DZANK1: variants seen among roughly 807,000 people sequenced by gnomAD.
The protein encoded by DZANK1 is double zinc ribbon and ankyrin repeat domains 1.
DZANK1 carries 91 observed loss-of-function variants against 94.5 expected under a neutral mutation model. The ratio of observed to expected loss-of-function variants is 0.96; its 90% CI spans 0.81 to 1.15. The LOEUF (loss-of-function observed/expected upper bound fraction) is 1.15. Ranked by LOEUF, DZANK1 falls within the 50% of genes most tolerant of loss-of-function variation. The pLI is 0.00. For missense variants in DZANK1, 903 were observed against 916.4 expected (o/e 0.99, Z 0.19); for synonymous variants, 312 against 325.3 (o/e 0.96, Z 0.44).
exon 10 of DZANK1, chr20:18,427,133 A>T (rs2058080332): frequency 6.2e-7 from 1 of 1,613,010 alleles, no homozygotes; most frequent in Admixed American, 1.7e-5. Context: ...GATTTCCTGT[A>T]CCACAGGCCC....
intron 19 of DZANK1, among the ~76,000 whole-genome samples, chr20:18,386,916 T>C (rs1397509465): frequency 3.3e-5 from 5 of 152,180 alleles, no homozygotes; most frequent in African/African-American, 1.2e-4. Flanking sequence ...TGCCATAGAA[T>C]GTTCATGGGC....
At chr20:18,453,641 T>A in intron 5 of DZANK1, 90 bp downstream of exon 5, 1 of 902,272 alleles carries the variant, frequency 1.1e-6, no homozygotes, top group South Asian at 1.5e-5. Flanking sequence ...CCAACACTTC[T>A]CCAGACAAGA....
chr20:18,409,233 C>T (rs2057111777), intron 13 of DZANK1, among the ~76,000 whole-genome samples: 1 of 151,856 alleles, frequency 6.6e-6, no homozygotes. Flanking sequence ...CCAAAGAGAT[C>T]CACAGCGAGA....
At chr20:18,448,088 G>A (rs1186876459) in intron 7 of DZANK1, among the ~76,000 whole-genome samples, 1 of 152,102 alleles carries the variant, frequency 6.6e-6, no homozygotes, top group Non-Finnish European at 1.5e-5. Flanking sequence ...TTGTACAAAT[G>A]TTCACAGCAA....
intron 13 of DZANK1, among the ~76,000 whole-genome samples, chr20:18,409,577 CA>C (rs1600824958): frequency 7.8e-6 from 1 of 128,274 alleles, no homozygotes; most frequent in Non-Finnish European, 1.9e-5. Context: ...CACACACACA[CA>C]CACACCACCA....
chr20:18,449,093 A>G, intron 6 of DZANK1, 24 bp from the exon 7 acceptor site: 1 of 1,586,936 alleles, frequency 6.3e-7, no homozygotes, highest in South Asian at 1.1e-5. Flanking sequence ...TATAGGTATA[A>G]AGACAGAGTC....
chr20:18,427,035 A>G (rs763235848), intron 10 of DZANK1, 32 bp downstream of exon 10: 2 of 1,495,432 alleles, frequency 1.3e-6, no homozygotes, highest in East Asian at 2.3e-5. Flanking sequence ...AGTAGCCACT[A>G]AATATAGGAT....
intron 13 of DZANK1, among the ~76,000 whole-genome samples, chr20:18,409,779 G>A (rs1029424914): frequency 6.6e-6 from 1 of 151,988 alleles, no homozygotes; most frequent in African/African-American, 2.4e-5. Flanking sequence ...ACACAAAGAA[G>A]GTGGGTGAGG....
At chr20:18,460,278 A>C in exon 3 of DZANK1, 2 of 1,578,914 alleles carry the variant, frequency 1.3e-6, no homozygotes, top group Non-Finnish European at 1.7e-6. Context: ...TGCCATCCAG[A>C]GTATAATATA....
intron 8 of DZANK1, among the ~76,000 whole-genome samples, chr20:18,434,128 A>G (rs982933737): frequency 6.6e-6 from 1 of 152,110 alleles, no homozygotes; most frequent in African/African-American, 2.4e-5. Context: ...TTATTATTTT[A>G]TTCCTATTAA....
At chr20:18,452,814 G>A (rs1289541203) in intron 5 of DZANK1, 75 bp from the exon 6 acceptor site, 23 of 1,410,516 alleles carry the variant, frequency 1.6e-5, no homozygotes, top group East Asian at 2.5e-5. Flanking sequence ...TCTTCACAGC[G>A]GGAGACCTTT....
intron 4 of DZANK1, 187 bp from the exon 5 acceptor site, chr20:18,454,014 G>A: frequency 8.6e-6 from 6 of 699,588 alleles, no homozygotes; most frequent in South Asian, 8.3e-5. Flanking sequence ...GGGCTGCTCA[G>A]CTGGCAGCAC....
At chr20:18,398,458 C>T in intron 14 of DZANK1, 65 bp downstream of exon 14, 1 of 1,472,634 alleles carries the variant, frequency 6.8e-7, no homozygotes, top group African/African-American at 1.4e-5. Flanking sequence ...CAGGCAAAGT[C>T]CATGGAGGGT....
rs2048408807 is a variant in DZANK1, at chr20:18,385,179, T to G, written c.2019-89A>C. 4 of 1,313,372 alleles carry G rather than the reference T, an allele frequency of 3.0e-6. No individual in the cohort carries two copies. In the East Asian group the frequency reaches 7.5e-5, roughly 25 times the overall value. The allele number at this position is 1,313,372 out of a possible 1,614,324, so 81.4% of individuals were successfully genotyped here. On this transcript the variant is annotated intron_variant, in intron 19 of 20. Transcript: ENST00000262547. ...TGCATGTGACCCAAGGTCCTGGTTTTGCTCACCGACCTACTTAACTAACCT... is the reference window on the plus strand; with the variant it reads ...TGCATGTGACCCAAGGTCCTGGTTTGGCTCACCGACCTACTTAACTAACCT...
chr20:18,386,770 A>G (rs80087110), intron 19 of DZANK1, among the ~76,000 whole-genome samples: 4,151 of 152,290 alleles, frequency 0.027, 92 homozygotes, highest in African/African-American at 0.057. Flanking sequence ...TTCCTAACCT[A>G]AAGAAAGATA....
At position 18,391,729 on chromosome 20, in the gene DZANK1, A is replaced by G. The variant is rs574299233; in HGVS notation, c.1810-1270T>C. ...TTTCCATTTGTAAAGTGGAAATAAT[A>G]CCTTCCCTGTCCTTGCTCCTGTGAA... is the stretch of plus-strand genomic sequence containing the variant. On this transcript the variant is annotated intron_variant, in intron 17 of 20. Transcript: ENST00000262547. Among the ~76,000 whole-genome samples the G allele has an allele frequency of 5.3e-5, 8 of 152,278 alleles. No homozygotes were observed. The South Asian group carries it at 1.7e-3, about 32-fold the overall frequency.
At chr20:18,409,122 C>T (rs1264564227) in intron 13 of DZANK1, among the ~76,000 whole-genome samples, 4 of 151,878 alleles carry the variant, frequency 2.6e-5, no homozygotes, top group South Asian at 4.2e-4. Flanking sequence ...CTCACGTACC[C>T]CATAAATATA....
At chr20:18,398,264 C>T (rs1175635113) in intron 14 of DZANK1, 4 of 447,910 alleles carry the variant, frequency 8.9e-6, no homozygotes, top group Non-Finnish European at 1.2e-5. Flanking sequence ...TTAGAATTTC[C>T]AATGTGACAT....
At chr20:18,386,604 A>G (rs2048509382) in intron 19 of DZANK1, among the ~76,000 whole-genome samples, 1 of 152,224 alleles carries the variant, frequency 6.6e-6, no homozygotes, top group Non-Finnish European at 1.5e-5. Context: ...CTCTCGAAAG[A>G]TAGAAGAGAA....
Sources: allele counts gnomAD v4.1 joint callset (sites outside exome capture counted in the v4.1 genomes callset), GRCh38; gene constraint gnomAD v4.1.1; transcripts MANE v1.5; gene names NCBI Gene and HGNC (gene_info 2026-07-23, HGNC 2026-07-21).